The following CREB5 variants were observed in gnomAD, a reference collection of about 807,000 sequenced individuals.
CREB5 encodes cAMP responsive element binding protein 5.
A neutral mutation model predicts 57.1 loss-of-function variants in CREB5; 19 were observed. That is an observed-to-expected ratio of 0.33 (90% CI 0.23 to 0.49). The LOEUF is 0.49. Ranked by LOEUF, CREB5 falls within the 20% of genes least tolerant of loss-of-function variation. The pLI, the probability that CREB5 is intolerant of heterozygous loss-of-function variation, is 0.99. For missense variants in CREB5, 579 were observed against 671.6 expected, an observed-to-expected ratio of 0.86 and a Z score of 1.52; for synonymous variants, 238 against 238.3, an observed-to-expected ratio of 1.00 and a Z score of 0.01.
chr7:28,530,048 C>T (rs1405502114), intron 4 of CREB5, among the ~76,000 whole-genome samples: 1 of 152,214 alleles, frequency 6.6e-6, no homozygotes, highest in East Asian at 1.9e-4. Flanking sequence ...AGCTATTTGT[C>T]CTTAGTCATC....
chr7:28,362,696 A>G (rs993117479), intron 1 of CREB5, among the ~76,000 whole-genome samples: 1 of 152,234 alleles, frequency 6.6e-6, no homozygotes, highest in Non-Finnish European at 1.5e-5. Flanking sequence ...AAATCAAATT[A>G]TGTGTTTATA....
chr7:28,628,508 A>C (rs974636736), intron 5 of CREB5, among the ~76,000 whole-genome samples: 2 of 152,160 alleles, frequency 1.3e-5, no homozygotes, highest in African/African-American at 4.8e-5. Context: ...CCAGGGGACA[A>C]GACATAGGAA....
At chr7:28,428,362 C>T (rs1788587647) in intron 1 of CREB5, among the ~76,000 whole-genome samples, 1 of 152,128 alleles carries the variant, frequency 6.6e-6, no homozygotes, top group Non-Finnish European at 1.5e-5. Flanking sequence ...TTATAAAGCC[C>T]TCCATTGTGG....
intron 4 of CREB5, among the ~76,000 whole-genome samples, chr7:28,510,872 A>C (rs1210708259): frequency 6.6e-6 from 1 of 152,214 alleles, no homozygotes; most frequent in Non-Finnish European, 1.5e-5. Context: ...GCATGTTGTA[A>C]TTCACTATCA....
intron 7 of CREB5, among the ~76,000 whole-genome samples, chr7:28,798,751 A>G (rs1293990765): frequency 6.6e-6 from 1 of 152,188 alleles, no homozygotes; most frequent in East Asian, 1.9e-4. Context: ...GTAGAAGATG[A>G]CAGAAAGTCG....
rs147291349 is a variant in CREB5, at chr7:28,621,985, T to A, written c.464+51448T>A. Among the ~76,000 whole-genome samples the A allele has an allele frequency of 4.1e-4, 63 of 152,260 alleles. No homozygotes were observed. In the South Asian group the frequency reaches 0.012, roughly 28 times the overall value. The stretch of plus-strand genomic sequence containing the variant: ...TTCTGCCAATTTGTTAGCGAATAGA[T>A]GATGAGGAAGTCTCAGGTGGATTCT... On this transcript the variant is annotated intron_variant, in intron 5 of 10. Transcript: ENST00000357727.
At chr7:28,699,750 C>G (rs1325010926) in intron 5 of CREB5, among the ~76,000 whole-genome samples, 1 of 151,964 alleles carries the variant, frequency 6.6e-6, no homozygotes, top group Admixed American at 6.6e-5. Context: ...CTATTTTTAC[C>G]TTTTCCAAAG....
intron 7 of CREB5, among the ~76,000 whole-genome samples, chr7:28,790,319 C>T (rs2128790503): frequency 6.6e-6 from 1 of 152,146 alleles, no homozygotes; most frequent in African/African-American, 2.4e-5. Context: ...CTTGGCAAAG[C>T]ATGCAATATG....
At chr7:28,505,942 T>G (rs1792462517) in intron 3 of CREB5, among the ~76,000 whole-genome samples, 1 of 152,202 alleles carries the variant, frequency 6.6e-6, no homozygotes. Context: ...TAAAACAATA[T>G]TCAACAAAAC....
chr7:28,610,521 C>T (rs1479186033), intron 5 of CREB5, among the ~76,000 whole-genome samples: 1 of 152,122 alleles, frequency 6.6e-6, no homozygotes, highest in Non-Finnish European at 1.5e-5. Flanking sequence ...GGACCTAAAT[C>T]CCCCAGGCTA....
chr7:28,733,109 A>G, intron 7 of CREB5, among the ~76,000 whole-genome samples: 1 of 152,158 alleles, frequency 6.6e-6, no homozygotes, highest in East Asian at 1.9e-4. Flanking sequence ...GAAGTGTTCA[A>G]GGAGGATGAG....
intron 5 of CREB5, among the ~76,000 whole-genome samples, chr7:28,614,924 A>G (rs1054665465): frequency 6.6e-6 from 1 of 152,234 alleles, no homozygotes; most frequent in Non-Finnish European, 1.5e-5. Context: ...TATATAAAAG[A>G]TAAGTAGTCT....
intron 9 of CREB5, among the ~76,000 whole-genome samples, chr7:28,816,111 G>A (rs936650344): frequency 6.7e-6 from 1 of 150,028 alleles, no homozygotes; most frequent in Non-Finnish European, 1.5e-5. Flanking sequence ...TTCCTTTCTT[G>A]GTTTTTGTTT....
Position 28,770,507 on chromosome 7 carries a change from G to A in CREB5, c.703-33692G>A, listed in dbSNP as rs187325890. 4.2e-3 allele frequency among the ~76,000 whole-genome samples: 645 copies of A among 152,256 alleles called. 3 individuals are homozygous for A. Among genetic ancestry groups the A allele is most frequent in the Non-Finnish European group, 5.8e-3 (396 of 68,020 alleles). ...TTTTTTTATATGAGTGGGTACATTT[G>A]TACCTTTCATCATGATCCATTTTTT... On this transcript the variant is annotated intron_variant, in intron 7 of 10. Transcript: ENST00000357727.
intron 5 of CREB5, among the ~76,000 whole-genome samples, chr7:28,599,686 A>G (rs1180759595): frequency 6.6e-6 from 1 of 152,232 alleles, no homozygotes; most frequent in Non-Finnish European, 1.5e-5. Context: ...CTGATGAATG[A>G]GTAACTTTAG....
At chr7:28,703,083 G>T (rs1189650195) in intron 5 of CREB5, among the ~76,000 whole-genome samples, 2 of 152,230 alleles carry the variant, frequency 1.3e-5, no homozygotes, top group African/African-American at 4.8e-5. Context: ...GGAAAATCAT[G>T]CAAGAATGTT....
At chr7:28,632,172 C>T (rs747889568) in intron 5 of CREB5, among the ~76,000 whole-genome samples, 3 of 152,174 alleles carry the variant, frequency 2.0e-5, no homozygotes, top group Non-Finnish European at 4.4e-5. Context: ...AAGATAACAG[C>T]CTTTATCCCC....
intron 1 of CREB5, among the ~76,000 whole-genome samples, chr7:28,441,911 T>C (rs1011471343): frequency 5.3e-5 from 8 of 152,210 alleles, no homozygotes; most frequent in African/African-American, 1.9e-4. Context: ...TCAGGGTAAC[T>C]TGATCACCAC....
intron 5 of CREB5, among the ~76,000 whole-genome samples, chr7:28,609,685 C>A (rs1205819420): frequency 6.6e-6 from 1 of 152,146 alleles, no homozygotes; most frequent in Non-Finnish European, 1.5e-5. Context: ...TTTGATGCAC[C>A]AGGTGCATGG....
Sources: allele counts gnomAD v4.1 joint callset (sites outside exome capture counted in the v4.1 genomes callset), GRCh38; gene constraint gnomAD v4.1.1; transcripts MANE v1.5; gene names NCBI Gene and HGNC (gene_info 2026-07-23, HGNC 2026-07-21).